The following SLC2A9 variants were observed in gnomAD, a reference collection of about 807,000 sequenced individuals.
SLC2A9 encodes the protein solute carrier family 2, facilitated glucose transporter member 9.
SLC2A9 carries 39 observed loss-of-function variants against 50.6 expected under a neutral mutation model. The ratio of observed to expected loss-of-function variants is 0.77; its 90% confidence interval spans 0.60 to 1.01. SLC2A9 has a LOEUF of 1.01. SLC2A9 is among the 50% of genes least tolerant of loss of function. The probability of loss-of-function intolerance (pLI) is 0.00; values close to 1 mark genes in which losing one functional copy is unlikely to be tolerated. For synonymous variants in SLC2A9, 324 were observed against 276.9 expected (o/e 1.17, Z -1.69); for missense variants, 686 against 677.6 (o/e 1.01, Z -0.14).
At chr4:9,926,393 T>C (rs13137069) in intron 6 of SLC2A9, among the ~76,000 whole-genome samples, 104,920 of 146,536 alleles carry the variant, frequency 0.72, 38,445 homozygotes, top group East Asian at 0.98. Context: ...CACCATTTTC[T>C]ATCTAGTATG....
At chr4:9,944,325 A>G (rs1748726239) in intron 5 of SLC2A9, among the ~76,000 whole-genome samples, 1 of 152,178 alleles carries the variant, frequency 6.6e-6, no homozygotes, top group Non-Finnish European at 1.5e-5. Context: ...GCTGAGATGG[A>G]CACTCTCTAT....
rs1763497015 is a variant in SLC2A9 at position 10,021,430 on chromosome 4, G to T, written c.-1C>A. On this transcript the variant is annotated 5_prime_UTR_variant, in exon 1 of 12. Coordinates refer to ENST00000264784, the MANE Select transcript of SLC2A9 (RefSeq NM_020041.3). ...AATTCCTATTTTGTTTCCTTGCCAT[G>T]GGTCTCAGTGACCCAGCTGATGGCT... is the stretch of plus-strand genomic sequence containing the variant. 1 of 1,614,162 alleles carries T rather than the reference G, an allele frequency of 6.2e-7. No individual in the cohort carries two copies. Among genetic ancestry groups the T allele is most frequent in the East Asian group, 2.2e-5 (1 of 44,882 alleles).
intron 3 of SLC2A9, among the ~76,000 whole-genome samples, chr4:9,816,718 G>T (rs768562869): frequency 8.6e-5 from 13 of 151,862 alleles, no homozygotes; most frequent in Admixed American, 1.3e-4. Flanking sequence ...TGACTCAGTT[G>T]ATTATACTTC....
intron 10 of SLC2A9, among the ~76,000 whole-genome samples, chr4:9,881,832 C>A (rs1167365065): frequency 1.5e-4 from 23 of 152,176 alleles, no homozygotes; most frequent in Non-Finnish European, 4.4e-5. Flanking sequence ...CGGTCTTTTC[C>A]AAACTTGGGA....
chr4:9,946,558 T>C (rs1264114532), intron 5 of SLC2A9, among the ~76,000 whole-genome samples: 2 of 152,186 alleles, frequency 1.3e-5, no homozygotes, highest in Non-Finnish European at 2.9e-5. Flanking sequence ...GCTGCTGGAT[T>C]GGAAAGGGGA....
intron 10 of SLC2A9, among the ~76,000 whole-genome samples, chr4:9,870,745 C>T (rs904987312): frequency 1.6e-4 from 24 of 152,286 alleles, no homozygotes; most frequent in African/African-American, 5.3e-4. Context: ...GGCAGGCATG[C>T]GTTCAAATCC....
chr4:9,961,282 A>G (rs994040125), intron 5 of SLC2A9, among the ~76,000 whole-genome samples: 1 of 152,172 alleles, frequency 6.6e-6, no homozygotes, highest in Non-Finnish European at 1.5e-5. Context: ...AGCAAAAATA[A>G]CAAAGCTGGA....
chr4:9,803,003 A>G (rs949425446), intron 3 of SLC2A9, among the ~76,000 whole-genome samples: 1 of 152,066 alleles, frequency 6.6e-6, no homozygotes, highest in Admixed American at 6.6e-5. Context: ...CTTCACACCC[A>G]TTTTCTTGAT....
intron 9 of SLC2A9, among the ~76,000 whole-genome samples, chr4:9,887,961 T>A (rs1246035292): frequency 6.6e-6 from 1 of 152,112 alleles, no homozygotes; most frequent in African/African-American, 2.4e-5. Context: ...ATGAGCAATT[T>A]TCACAGCTTT....
intron 5 of SLC2A9, among the ~76,000 whole-genome samples, chr4:9,957,679 TA>T (rs781208362): frequency 1.3e-4 from 19 of 151,928 alleles, no homozygotes; most frequent in Non-Finnish European, 2.5e-4. Flanking sequence ...CCTTAGAAAT[TA>T]AAAATATGAT....
At chr4:9,952,020 G>C (rs1750376230) in intron 5 of SLC2A9, among the ~76,000 whole-genome samples, 1 of 152,214 alleles carries the variant, frequency 6.6e-6, no homozygotes, top group Non-Finnish European at 1.5e-5. Context: ...CCAAGAAAGA[G>C]AGTGCCCTCT....
At chr4:9,964,351 A>G (rs1323857551) in intron 5 of SLC2A9, among the ~76,000 whole-genome samples, 1 of 152,196 alleles carries the variant, frequency 6.6e-6, no homozygotes, top group East Asian at 1.9e-4. Flanking sequence ...AAAGGAGTTC[A>G]GGCATTAACC....
At chr4:9,942,655 C>A (rs369397382) in intron 5 of SLC2A9, among the ~76,000 whole-genome samples, 1 of 152,294 alleles carries the variant, frequency 6.6e-6, no homozygotes, top group South Asian at 2.1e-4. Context: ...CAGATCCCTA[C>A]GACACGCACT....
At chr4:9,907,203 T>C (rs1385563326) in intron 8 of SLC2A9, among the ~76,000 whole-genome samples, 1 of 152,232 alleles carries the variant, frequency 6.6e-6, no homozygotes, top group Non-Finnish European at 1.5e-5. Context: ...AACTGTGTGC[T>C]GTGTGCCCAA....
chr4:9,999,577 G>T (rs1759400300), intron 2 of SLC2A9, among the ~76,000 whole-genome samples: 1 of 152,168 alleles, frequency 6.6e-6, no homozygotes, highest in Admixed American at 6.5e-5. Flanking sequence ...TTGCAAGGAG[G>T]CCAATAGGGG....
At chr4:9,970,228 C>T (rs1753673027) in intron 5 of SLC2A9, among the ~76,000 whole-genome samples, 2 of 152,184 alleles carry the variant, frequency 1.3e-5, no homozygotes, top group Admixed American at 1.3e-4. Flanking sequence ...CAGCATCGGA[C>T]ATGCTTTGCG....
intron 3 of SLC2A9, among the ~76,000 whole-genome samples, chr4:9,995,193 G>T (rs183021241): frequency 6.6e-6 from 1 of 152,126 alleles, no homozygotes; most frequent in Non-Finnish European, 1.5e-5. Context: ...TTAAACAAGA[G>T]AATGTGTGAG....
At chr4:9,821,854 G>C (rs60715294), downstream of SLC2A9, among the ~76,000 whole-genome samples, 23,956 of 152,120 alleles carry the variant, frequency 0.16, 2,537 homozygotes, top group African/African-American at 0.3. Flanking sequence ...CTGAAACCAT[G>C]TGGACCTGGA....
chr4:9,789,117 T>C (rs1719586042), intron 3 of SLC2A9, among the ~76,000 whole-genome samples: 2 of 152,226 alleles, frequency 1.3e-5, no homozygotes, highest in South Asian at 4.1e-4. Context: ...TCCCATGCAT[T>C]CATTTTGATA....
Sources: allele counts gnomAD v4.1 joint callset (sites outside exome capture counted in the v4.1 genomes callset), GRCh38; gene constraint gnomAD v4.1.1; transcripts MANE v1.5; gene names NCBI Gene and HGNC (gene_info 2026-07-23, HGNC 2026-07-21).